Variants in INTU observed in about 807,000 individuals in gnomAD.
INTU encodes the protein protein inturned.
A neutral mutation model predicts 100.5 loss-of-function variants in INTU; 68 were observed. The ratio of observed to expected loss-of-function variants is 0.68; its 90% CI spans 0.56 to 0.83. INTU has a LOEUF of 0.83. Among genes scored for constraint, INTU ranks in the 40% least tolerant of loss-of-function variants. The pLI is 0.00. For missense variants in INTU, 1,071 were observed against 1,114.7 expected (o/e 0.96, Z 0.56); for synonymous variants, 357 against 395.7 (o/e 0.90, Z 1.16).
intron 2 of INTU, among the ~76,000 whole-genome samples, chr4:127,653,110 CT>C (rs1326946707): frequency 6.6e-6 from 1 of 150,630 alleles, no homozygotes; most frequent in Admixed American, 6.6e-5. Flanking sequence ...ATTCTTCTCT[CT>C]TTTTTTCTTT....
intron 4 of INTU, 139 bp from the exon 5 acceptor site, chr4:127,668,897 C>T: frequency 1.9e-6 from 1 of 521,282 alleles, no homozygotes; most frequent in Non-Finnish European, 3.5e-6. Context: ...CATAGTTCTC[C>T]CCTTGTGTTT....
intron 6 of INTU, among the ~76,000 whole-genome samples, chr4:127,674,964 G>A (rs567610748): frequency 6.6e-6 from 1 of 152,292 alleles, no homozygotes; most frequent in South Asian, 2.1e-4. Flanking sequence ...ATGTGGGTCT[G>A]TCTGAATTCT....
intron 7 of INTU, among the ~76,000 whole-genome samples, chr4:127,685,276 A>G (rs531984573): frequency 6.6e-6 from 1 of 152,084 alleles, no homozygotes; most frequent in South Asian, 2.1e-4. Flanking sequence ...TCTCTTAGTG[A>G]CTTTTGTTCT....
intron 14 of INTU, among the ~76,000 whole-genome samples, chr4:127,711,619 G>A (rs1391646288): frequency 2.0e-5 from 3 of 152,144 alleles, no homozygotes; most frequent in African/African-American, 7.2e-5. Flanking sequence ...CTTACTGCCT[G>A]AGCTCTGCTT....
chr4:127,719,131 C>T lies in INTU; in HGVS notation c.*2695C>T, dbSNP rs1440314787. ...TTGGCTGTGAGTCTGTCATAAATGG[C>T]TCTTATTATTTTGAAGTATGTTCCT... On this transcript the variant is annotated 3_prime_UTR_variant, in exon 16 of 16. Coordinates refer to ENST00000335251, the MANE Select transcript of INTU (RefSeq NM_015693.4). The T allele has an allele frequency of 1.3e-5, 2 of 152,058 alleles. No homozygotes were observed. The highest frequency in any genetic ancestry group is 2.9e-5 in the Non-Finnish European group (2 of 68,012). The allele number at this position is 152,058 out of a possible 1,614,324, so 9.4% of individuals were successfully genotyped here. A position where few individuals can be genotyped will look rare whatever the true frequency, so the allele number is the denominator to read the frequency against.
At chr4:127,686,579 T>A (rs1478278288) in intron 7 of INTU, 3 of 152,234 alleles carry the variant, frequency 2.0e-5, no homozygotes, top group African/African-American at 7.2e-5. Context: ...TCTTGCTGGA[T>A]CTTTCTGACA....
At position 127,635,846 on chromosome 4, in the gene INTU, C is replaced by T. The variant is rs578198012; in HGVS notation, c.146+2666C>T. Among the ~76,000 whole-genome samples the T allele has an allele frequency of 3.3e-5, 5 of 152,254 alleles. No homozygotes were observed. The East Asian group carries it at 9.6e-4, about 29-fold the overall frequency. On this transcript the variant is annotated intron_variant, in intron 1 of 15. Coordinates refer to ENST00000335251, the MANE Select transcript of INTU (RefSeq NM_015693.4). ...AACCATTTATCTGCTTTTTGTCACT[C>T]TATAGGAGTTTGTAGTTTCTAAAGT...
chr4:127,700,228 A>G (rs940954961), intron 9 of INTU, among the ~76,000 whole-genome samples, 165 bp downstream of exon 9: 6 of 152,154 alleles, frequency 3.9e-5, no homozygotes, highest in African/African-American at 1.2e-4. Context: ...AGGATTTTCT[A>G]CTGAGTTTAA....
chr4:127,711,323 G>C (rs1348380289), intron 14 of INTU, among the ~76,000 whole-genome samples: 1 of 152,114 alleles, frequency 6.6e-6, no homozygotes, highest in African/African-American at 2.4e-5. Flanking sequence ...GGATATGGTA[G>C]ACCTGTGTTT....
intron 8 of INTU, among the ~76,000 whole-genome samples, chr4:127,690,149 T>C (rs773013226): frequency 2.5e-4 from 38 of 152,232 alleles, no homozygotes; most frequent in Non-Finnish European, 4.3e-4. Flanking sequence ...TGTTCTAAAG[T>C]ATTGTCTATT....
chr4:127,655,994 G>C (rs570938008), intron 2 of INTU, among the ~76,000 whole-genome samples: 1 of 152,166 alleles, frequency 6.6e-6, no homozygotes, highest in Non-Finnish European at 1.5e-5. Flanking sequence ...TTCCAGGTGC[G>C]TCCGTCACCC....
chr4:127,638,822 C>T (rs757828805), intron 1 of INTU, among the ~76,000 whole-genome samples: 2 of 151,966 alleles, frequency 1.3e-5, no homozygotes, highest in Admixed American at 6.6e-5. Context: ...CAAAATAAGA[C>T]TCATTGAAAG....
rs1318956194 is a variant in INTU at position 127,706,471 on chromosome 4, AT to A, written c.1789-9del. The A allele has an allele frequency of 8.9e-6, 14 of 1,579,280 alleles. No individual in the cohort carries two copies. Among genetic ancestry groups the A allele is most frequent in the Admixed American group, 1.8e-5 (1 of 54,488 alleles). Reference sequence around the variant, plus strand: ...CATGGTAGCTAAACCTACATTTGTAATTTTTTTCCCTATAGAAACATTATAT... The same window carrying A: ...CATGGTAGCTAAACCTACATTTGTAATTTTTTCCCTATAGAAACATTATAT... On this transcript the variant is annotated splice_polypyrimidine_tract_variant and intron_variant, in intron 11 of 15. Transcript: ENST00000335251.
chr4:127,633,024 C>T lies in INTU; in HGVS notation c.-11C>T. The T allele has an allele frequency of 6.2e-7, 1 of 1,610,410 alleles. No homozygotes were observed. The highest frequency in any genetic ancestry group is 8.5e-7 in the Non-Finnish European group (1 of 1,177,488). On this transcript the variant is annotated 5_prime_UTR_variant, in exon 1 of 16. Transcript: ENST00000335251. The stretch of plus-strand genomic sequence containing the variant: ...TGAATTACTCCACTCGTAGCTATTG[C>T]ATTCCTGACGATGGCCTCTGTGGCT...
intron 1 of INTU, among the ~76,000 whole-genome samples, chr4:127,634,421 T>G (rs1726978588): frequency 6.6e-6 from 1 of 152,222 alleles, no homozygotes; most frequent in African/African-American, 2.4e-5. Context: ...CATGTATAGT[T>G]GCACAGCTGA....
chr4:127,672,212 T>C (rs1418144134), intron 5 of INTU, among the ~76,000 whole-genome samples: 1 of 152,172 alleles, frequency 6.6e-6, no homozygotes, highest in Non-Finnish European at 1.5e-5. Context: ...GCAACCCTCA[T>C]CAAACTCAAT....
chr4:127,704,919 C>G (rs1730813173), intron 10 of INTU, among the ~76,000 whole-genome samples: 1 of 151,866 alleles, frequency 6.6e-6, no homozygotes, highest in African/African-American at 2.4e-5. Flanking sequence ...GAAACCCCAT[C>G]TCTACTAAAA....
In INTU at chr4:127,700,060, A is replaced by G. The variant is rs779100553; in HGVS notation, c.1500A>G (p.Glu500=). ...ACTTGGAGGCTGCAGATTTTGCAGA[A>G]CTGGTAAGGGAAGGAGTGGATTTTA... is the stretch of plus-strand genomic sequence containing the variant. ...LSDLEAADFA[E]LSEDYYDMRR... is the part of the protein sequence containing the mutation. Residue 500 remains glutamate, a synonymous_variant, in exon 9 of 16, where the codon GAA becomes GAG. Transcript: ENST00000335251. The G allele has an allele frequency of 6.2e-7, 1 of 1,605,916 alleles. No individual in the cohort carries two copies. Among genetic ancestry groups the G allele is most frequent in the Non-Finnish European group, 8.5e-7 (1 of 1,175,482 alleles).
intron 2 of INTU, among the ~76,000 whole-genome samples, chr4:127,654,679 G>T (rs531948758): frequency 3.1e-4 from 46 of 148,282 alleles, no homozygotes; most frequent in Non-Finnish European, 6.1e-4. Context: ...TTCAACTTTG[G>T]TGAATCTGAC....
Sources: allele counts gnomAD v4.1 joint callset (sites outside exome capture counted in the v4.1 genomes callset), GRCh38; gene constraint gnomAD v4.1.1; transcripts MANE v1.5; gene names NCBI Gene and HGNC (gene_info 2026-07-23, HGNC 2026-07-21).